CDH12: variants seen among roughly 807,000 people sequenced by gnomAD.
The protein encoded by CDH12 is cadherin-12.
CDH12 carries 41 observed loss-of-function variants against 74.1 expected under a neutral mutation model. The ratio of observed to expected loss-of-function variants is 0.55; its 90% CI spans 0.43 to 0.72. The LOEUF is 0.72. CDH12 is among the 30% of genes least tolerant of loss of function. The pLI, the probability that CDH12 is intolerant of heterozygous loss-of-function variation, is 0.00. For missense variants in CDH12, 945 were observed against 977.2 expected, an observed-to-expected ratio of 0.97 and a Z score of 0.44; for synonymous variants, 399 against 355.0, an observed-to-expected ratio of 1.12 and a Z score of -1.39.
At chr5:22,286,510 G>T (rs142672972) in intron 3 of CDH12, among the ~76,000 whole-genome samples, 1 of 152,244 alleles carries the variant, frequency 6.6e-6, no homozygotes, top group South Asian at 2.1e-4. Flanking sequence ...ATTGTTAAAT[G>T]GTCAAGGTGA....
intron 1 of CDH12, among the ~76,000 whole-genome samples, chr5:22,754,866 T>A (rs1447345255): frequency 6.6e-6 from 1 of 152,212 alleles, no homozygotes; most frequent in East Asian, 1.9e-4. Context: ...ATATGAATAT[T>A]CAATTTTACT....
At chr5:22,802,256 G>A (rs1748570144) in intron 1 of CDH12, among the ~76,000 whole-genome samples, 2 of 151,510 alleles carry the variant, frequency 1.3e-5, no homozygotes, top group South Asian at 4.2e-4. Context: ...CGAGTAGCTG[G>A]GACTACAGGC....
intron 6 of CDH12, among the ~76,000 whole-genome samples, chr5:21,963,005 C>T (rs549216429): frequency 5.5e-4 from 83 of 152,194 alleles, no homozygotes; most frequent in African/African-American, 1.9e-3. Context: ...TACCCCATGC[C>T]TCTTTTTCCT....
intron 5 of CDH12, among the ~76,000 whole-genome samples, chr5:22,006,116 A>G (rs573881331): frequency 2.0e-4 from 30 of 151,946 alleles, no homozygotes; most frequent in Non-Finnish European, 3.5e-4. Flanking sequence ...TTTCCTGTGC[A>G]TGGTTATACT....
At chr5:22,654,896 G>T (rs1394455516) in intron 1 of CDH12, among the ~76,000 whole-genome samples, 1 of 152,142 alleles carries the variant, frequency 6.6e-6, no homozygotes, top group Non-Finnish European at 1.5e-5. Context: ...CTCTCAACGT[G>T]CTGGGAATAC....
intron 1 of CDH12, among the ~76,000 whole-genome samples, chr5:22,810,934 C>CACATATATACTTACATATAT (rs555876610): frequency 0.024 from 3,637 of 150,068 alleles, 171 homozygotes; most frequent in African/African-American, 0.085. Flanking sequence ...TGTGTGTATA[C>CACATATATACTTACATATAT]ACATATATAC....
intron 1 of CDH12, among the ~76,000 whole-genome samples, chr5:22,783,024 T>C (rs1038597398): frequency 4.7e-5 from 7 of 149,752 alleles, no homozygotes; most frequent in Admixed American, 3.3e-4. Context: ...TAGATCTAGG[T>C]GCCATTTTAT....
At chr5:21,755,339 T>C (rs997207162) in intron 14 of CDH12, among the ~76,000 whole-genome samples, 1 of 152,194 alleles carries the variant, frequency 6.6e-6, no homozygotes, top group African/African-American at 2.4e-5. Flanking sequence ...GTCTTGAACA[T>C]ATTTTTGGTG....
chr5:22,620,867 T>C (rs1399123170), intron 1 of CDH12, among the ~76,000 whole-genome samples: 1 of 152,126 alleles, frequency 6.6e-6, no homozygotes, highest in Admixed American at 6.5e-5. Context: ...GTGATAAAAT[T>C]TGTAAAACCA....
At chr5:21,934,855 T>C (rs541038946) in intron 6 of CDH12, among the ~76,000 whole-genome samples, 2 of 152,076 alleles carry the variant, frequency 1.3e-5, no homozygotes, top group East Asian at 1.9e-4. Flanking sequence ...GGCGCGATCT[T>C]GGCTCATTGC....
intron 10 of CDH12, among the ~76,000 whole-genome samples, chr5:21,800,972 C>T (rs574526197): frequency 1.2e-4 from 19 of 152,278 alleles, no homozygotes; most frequent in Non-Finnish European, 2.6e-4. Flanking sequence ...AACCTCTTTA[C>T]TTTATAGATT....
intron 1 of CDH12, among the ~76,000 whole-genome samples, chr5:22,595,744 T>A (rs928045953): frequency 7.2e-5 from 11 of 152,014 alleles, no homozygotes; most frequent in Non-Finnish European, 1.5e-5. Flanking sequence ...ACCCTACAAA[T>A]TCAATAATTG....
chr5:22,429,211 GCCCCCAC>G (rs1744068845), intron 2 of CDH12, among the ~76,000 whole-genome samples: 1 of 151,630 alleles, frequency 6.6e-6, no homozygotes, highest in Non-Finnish European at 1.5e-5. Context: ...GACTCATGCA[GCCCCCAC>G]CCTCCTGGGC....
At chr5:22,774,022 T>C (rs1465899803) in intron 1 of CDH12, among the ~76,000 whole-genome samples, 1 of 152,114 alleles carries the variant, frequency 6.6e-6, no homozygotes, top group African/African-American at 2.4e-5. Flanking sequence ...AAAGGAACAC[T>C]GTTGGTGGGA....
intron 1 of CDH12, among the ~76,000 whole-genome samples, chr5:22,673,844 G>C (rs1223627432): frequency 6.6e-6 from 1 of 152,090 alleles, no homozygotes; most frequent in Non-Finnish European, 1.5e-5. Context: ...TGACAAAAAG[G>C]TCAATTACAT....
At chr5:22,377,025 C>A (rs1484728848) in intron 3 of CDH12, among the ~76,000 whole-genome samples, 1 of 152,128 alleles carries the variant, frequency 6.6e-6, no homozygotes, top group Non-Finnish European at 1.5e-5. Flanking sequence ...TGGGACCTTA[C>A]TGAAGGCAAC....
intron 3 of CDH12, among the ~76,000 whole-genome samples, chr5:22,273,242 A>T (rs1736483217): frequency 6.6e-6 from 1 of 152,160 alleles, no homozygotes; most frequent in South Asian, 2.1e-4. Flanking sequence ...CCATCAACAG[A>T]TATAATAATA....
At chr5:22,295,426 G>T (rs1409164772) in intron 3 of CDH12, among the ~76,000 whole-genome samples, 1 of 152,016 alleles carries the variant, frequency 6.6e-6, no homozygotes, top group African/African-American at 2.4e-5. Flanking sequence ...AATCTAAATT[G>T]CTATAACATT....
chr5:22,401,993 C>T (rs115041381), intron 3 of CDH12, among the ~76,000 whole-genome samples: 3,282 of 152,308 alleles, frequency 0.022, 60 homozygotes, highest in African/African-American at 0.05. Flanking sequence ...GTCCGGCTAA[C>T]ACTTCATTTT....
Sources: allele counts gnomAD v4.1 joint callset (sites outside exome capture counted in the v4.1 genomes callset), GRCh38; gene constraint gnomAD v4.1.1; transcripts MANE v1.5; gene names NCBI Gene and HGNC (gene_info 2026-07-23, HGNC 2026-07-21).